The following GRIN3A variants were observed in gnomAD, a reference collection of about 807,000 sequenced individuals.
GRIN3A encodes the protein glutamate receptor ionotropic, NMDA 3A.
In GRIN3A, 47 loss-of-function variants were observed where a neutral mutation model predicts 92.4. The ratio of observed to expected loss-of-function variants is 0.51; its 90% confidence interval spans 0.40 to 0.65. GRIN3A has a LOEUF of 0.65. Ranked by LOEUF, GRIN3A falls within the 30% of genes least tolerant of loss-of-function variation. The pLI, the probability that GRIN3A is intolerant of heterozygous loss-of-function variation, is 0.00. For synonymous variants in GRIN3A, 527 were observed against 540.6 expected, an observed-to-expected ratio of 0.97 and a Z score of 0.35; for missense variants, 1,324 against 1,393.1, an observed-to-expected ratio of 0.95 and a Z score of 0.79.
intron 6 of GRIN3A, among the ~76,000 whole-genome samples, chr9:101,605,731 C>T (rs1332864991): frequency 6.6e-6 from 1 of 152,192 alleles, no homozygotes; most frequent in African/African-American, 2.4e-5. Context: ...AATAAAATCA[C>T]TGGAGAGTTT....
At chr9:101,711,485 G>T (rs1829878500) in intron 1 of GRIN3A, among the ~76,000 whole-genome samples, 1 of 152,166 alleles carries the variant, frequency 6.6e-6, no homozygotes, top group African/African-American at 2.4e-5. Context: ...GGAGACTACT[G>T]TATTCCACCC....
intron 1 of GRIN3A, among the ~76,000 whole-genome samples, chr9:101,715,512 C>G (rs534451887): frequency 1.3e-3 from 205 of 152,190 alleles, no homozygotes; most frequent in African/African-American, 4.6e-3. Flanking sequence ...TAAAATATCT[C>G]AACAAATTAA....
At chr9:101,585,191 C>T (rs1004106105) in intron 6 of GRIN3A, among the ~76,000 whole-genome samples, 9 of 152,170 alleles carry the variant, frequency 5.9e-5, no homozygotes, top group South Asian at 2.1e-4. Flanking sequence ...ATTCATGTAT[C>T]GGCAGCTTGG....
intron 3 of GRIN3A, among the ~76,000 whole-genome samples, chr9:101,669,828 C>T (rs1015059441): frequency 1.3e-5 from 2 of 151,978 alleles, no homozygotes; most frequent in African/African-American, 4.8e-5. Flanking sequence ...ATCAGAAAGA[C>T]CTACTCTAGA....
At position 101,585,092 on chromosome 9, in the gene GRIN3A, T is replaced by C. The variant is rs546477630; in HGVS notation, c.2767-5732A>G. Among the ~76,000 whole-genome samples the C allele has an allele frequency of 2.0e-5, 3 of 152,252 alleles. No individual in the cohort carries two copies. In the South Asian group the frequency reaches 6.2e-4, roughly 32 times the overall value. On this transcript the variant is annotated intron_variant, in intron 6 of 8. Coordinates refer to ENST00000361820, the MANE Select transcript of GRIN3A (RefSeq NM_133445.3). Reference sequence around the variant, plus strand: ...CCCTTAGACCCTCTTCAATCAGACTTTTGTCCCCTCCCATCACCTGTCAAA... The same window carrying C: ...CCCTTAGACCCTCTTCAATCAGACTCTTGTCCCCTCCCATCACCTGTCAAA...
At chr9:101,656,300 C>CAGCTGGGCTAAAATTTT (rs982526688) in intron 3 of GRIN3A, among the ~76,000 whole-genome samples, 2 of 151,716 alleles carry the variant, frequency 1.3e-5, no homozygotes, top group African/African-American at 2.4e-5. Context: ...AGATGTCAAC[C>CAGCTGGGCTAAAATTTT]AGCTGGGCTA....
chr9:101,738,069 C>G lies in GRIN3A; in HGVS notation c.-90G>C, dbSNP rs1830242470. 3.6e-6 allele frequency: 4 copies of G among 1,113,250 alleles called. No individual in the cohort carries two copies. The highest frequency in any genetic ancestry group is 1.3e-5 in the South Asian group (1 of 75,208). 69.0% of individuals were successfully genotyped at this position (1,113,250 alleles called of 1,614,324 possible). A position where few individuals can be genotyped will look rare whatever the true frequency, so the allele number is the denominator to read the frequency against. ...GCCTGAGGTCTCCGCCTCCAGGTCC[C>G]GCGCGCAGCTTCACTCCACTCGGTG... On this transcript the variant is annotated 5_prime_UTR_variant, in exon 1 of 9. Transcript: ENST00000361820.
intron 6 of GRIN3A, among the ~76,000 whole-genome samples, chr9:101,588,044 G>A (rs1024271113): frequency 5.3e-5 from 8 of 152,188 alleles, no homozygotes; most frequent in Non-Finnish European, 1.0e-4. Context: ...GGGAGAAGTA[G>A]GAGAATGATA....
chr9:101,703,695 T>G lies in GRIN3A; in HGVS notation c.700-16495A>C, dbSNP rs1588290581. On this transcript the variant is annotated intron_variant, in intron 1 of 8. Coordinates refer to ENST00000361820, the MANE Select transcript of GRIN3A (RefSeq NM_133445.3). The stretch of plus-strand genomic sequence containing the variant: ...ATGTCTCTGTATCATGCATTAAAAT[T>G]TATCTTTCTACTGAAGAGCTCACAT... Among the ~76,000 whole-genome samples the G allele has an allele frequency of 3.3e-5, 5 of 152,326 alleles. 1 individual carries two copies. The South Asian group carries it at 1.0e-3, about 32-fold the overall frequency.
intron 2 of GRIN3A, among the ~76,000 whole-genome samples, chr9:101,675,863 ATGTAT>A (rs1188157432): frequency 1.3e-5 from 2 of 151,924 alleles, no homozygotes; most frequent in African/African-American, 4.8e-5. Context: ...GATTATCTTA[ATGTAT>A]TAATTACATT....
intron 3 of GRIN3A, among the ~76,000 whole-genome samples, chr9:101,658,305 A>G (rs1216562274): frequency 1.3e-5 from 2 of 151,922 alleles, no homozygotes; most frequent in African/African-American, 4.8e-5. Flanking sequence ...TAATATTATT[A>G]TTTGTTGACA....
chr9:101,693,244 A>AATATAT (rs3082770), intron 1 of GRIN3A, among the ~76,000 whole-genome samples: 189 of 128,426 alleles, frequency 1.5e-3, no homozygotes, highest in African/African-American at 5.3e-3. Context: ...TCTCAGCTAA[A>AATATAT]ATATATATAT....
intron 2 of GRIN3A, among the ~76,000 whole-genome samples, chr9:101,671,586 A>C (rs1829325611): frequency 6.6e-6 from 1 of 152,208 alleles, no homozygotes; most frequent in South Asian, 2.1e-4. Context: ...ATTAAAAAGT[A>C]TGCATATACT....
rs1403928958 is a variant in GRIN3A at position 101,687,867 on chromosome 9, A to G, written c.700-667T>C. Among the ~76,000 whole-genome samples the G allele has an allele frequency of 3.3e-5, 5 of 152,368 alleles. No individual in the cohort carries two copies. The East Asian group carries it at 9.6e-4, about 29-fold the overall frequency. Reference sequence around the variant, plus strand: ...GAAATCTGTGCCATTAAACACACTTATGTAACTTGTATCACAATTTTATCT... The same window carrying G: ...GAAATCTGTGCCATTAAACACACTTGTGTAACTTGTATCACAATTTTATCT... On this transcript the variant is annotated intron_variant, in intron 1 of 8. Coordinates refer to ENST00000361820, the MANE Select transcript of GRIN3A (RefSeq NM_133445.3).
chr9:101,736,057 C>T (rs1209698976), intron 1 of GRIN3A, among the ~76,000 whole-genome samples: 1 of 152,158 alleles, frequency 6.6e-6, no homozygotes, highest in Non-Finnish European at 1.5e-5. Flanking sequence ...TTGTACATTG[C>T]CCTTACTCAT....
At position 101,661,054 on chromosome 9, in the gene GRIN3A, C is replaced by T. The variant is rs554347196; in HGVS notation, c.2352+9006G>A. On this transcript the variant is annotated intron_variant, in intron 3 of 8. Transcript: ENST00000361820. ...TGTTAAGTCCTAGGAGGGGAATAAA[C>T]TGGGTGGAAATGAAAATTTGCTCCT... Among the ~76,000 whole-genome samples the T allele has an allele frequency of 3.3e-5, 5 of 151,894 alleles. No individual in the cohort carries two copies. In the East Asian group the frequency reaches 9.7e-4, roughly 30 times the overall value.
intron 1 of GRIN3A, among the ~76,000 whole-genome samples, chr9:101,694,170 C>T (rs139623165): frequency 1.3e-5 from 2 of 152,222 alleles, no homozygotes; most frequent in African/African-American, 2.4e-5. Context: ...GAACAGGGCC[C>T]ACTTCTTAAA....
chr9:101,680,821 A>G (rs145389693), intron 2 of GRIN3A, among the ~76,000 whole-genome samples: 2,557 of 152,302 alleles, frequency 0.017, 86 homozygotes, highest in African/African-American at 0.058. Context: ...GAACGAATTA[A>G]TCACTGACTA....
intron 1 of GRIN3A, 29 bp downstream of exon 1, chr9:101,737,252 C>A: frequency 6.3e-7 from 1 of 1,597,018 alleles, no homozygotes; most frequent in Non-Finnish European, 8.6e-7. Context: ...CAGCGCCCAT[C>A]TCCACTCCAC....
Sources: allele counts gnomAD v4.1 joint callset (sites outside exome capture counted in the v4.1 genomes callset), GRCh38; gene constraint gnomAD v4.1.1; transcripts MANE v1.5; gene names NCBI Gene and HGNC (gene_info 2026-07-23, HGNC 2026-07-21).